Variants in PDE10A observed in about 807,000 individuals in gnomAD.
PDE10A encodes the protein cAMP and cAMP-inhibited cGMP 3',5'-cyclic phosphodiesterase 10A.
In PDE10A, 39 loss-of-function variants were observed where a neutral mutation model predicts 97.7. That is an observed-to-expected ratio of 0.40 (90% CI 0.31 to 0.52). The LOEUF (loss-of-function observed/expected upper bound fraction) is 0.52. PDE10A is among the 20% of genes least tolerant of loss of function. PDE10A has a pLI of 0.56. For missense variants in PDE10A, 731 were observed against 1,047.8 expected (o/e 0.70, Z 4.17); for synonymous variants, 371 against 376.8 (o/e 0.98, Z 0.18).
intron 1 of PDE10A, among the ~76,000 whole-genome samples, chr6:165,891,644 G>A (rs1483062787): frequency 2.0e-5 from 3 of 152,164 alleles, no homozygotes; most frequent in East Asian, 1.9e-4. Context: ...CCAGGCTGCC[G>A]TAGGAGACTA....
At chr6:165,413,335 G>A (rs1366126533) in intron 13 of PDE10A, among the ~76,000 whole-genome samples, 166 bp downstream of exon 13, 2 of 151,092 alleles carry the variant, frequency 1.3e-5, no homozygotes, top group Non-Finnish European at 2.9e-5. Context: ...TCCTTCCAGG[G>A]CATTTTATGA....
chr6:165,391,362 T>C (rs1237175973), intron 16 of PDE10A, among the ~76,000 whole-genome samples: 1 of 152,222 alleles, frequency 6.6e-6, no homozygotes, highest in East Asian at 1.9e-4. Context: ...ACAAAGTTTT[T>C]CTCACTTATT....
chr6:165,576,251 G>A (rs1200353203), intron 1 of PDE10A, among the ~76,000 whole-genome samples: 1 of 152,180 alleles, frequency 6.6e-6, no homozygotes, highest in African/African-American at 2.4e-5. Flanking sequence ...CTGAAGGTTG[G>A]CACCAAAAAG....
At chr6:165,417,821 A>G (rs934188191) in intron 11 of PDE10A, among the ~76,000 whole-genome samples, 4 of 152,232 alleles carry the variant, frequency 2.6e-5, no homozygotes, top group Non-Finnish European at 5.9e-5. Flanking sequence ...TAGAACGCCC[A>G]AATAAACAGC....
intron 1 of PDE10A, among the ~76,000 whole-genome samples, chr6:165,692,819 A>T (rs1791340076): frequency 6.6e-6 from 1 of 152,190 alleles, no homozygotes; most frequent in Non-Finnish European, 1.5e-5. Context: ...ACACTCTTAC[A>T]CTAGGGAATA....
At chr6:165,536,761 T>C (rs1476511847) in intron 2 of PDE10A, among the ~76,000 whole-genome samples, 1 of 151,970 alleles carries the variant, frequency 6.6e-6, no homozygotes, top group African/African-American at 2.4e-5. Context: ...GATATCATCT[T>C]ACCTCAGTTA....
rs1456146694 is a variant in PDE10A at position 165,655,463 on chromosome 6, T to C, written c.865+6484A>G. ...ATCTTTCCAGCCAAAAACCCAGGCATGGATTCTTGATTCCTCTCTCTCCCT... is the reference window on the plus strand; with the variant it reads ...ATCTTTCCAGCCAAAAACCCAGGCACGGATTCTTGATTCCTCTCTCTCCCT... On this transcript the variant is annotated intron_variant, in intron 1 of 21. Coordinates refer to ENST00000539869, the MANE Select transcript of PDE10A (RefSeq NM_001385079.1). This position sits in a 1 kb window ranked among gnomAD's most constrained non-coding sequence, Gnocchi z 4.5. 6.6e-6 allele frequency among the ~76,000 whole-genome samples: 1 copy of C among 152,090 alleles called. No individual in the cohort carries two copies. The highest frequency in any genetic ancestry group is 1.9e-4 in the East Asian group (1 of 5,164).
chr6:165,852,140 T>G (rs1405636276), intron 1 of PDE10A, among the ~76,000 whole-genome samples: 3 of 152,196 alleles, frequency 2.0e-5, no homozygotes, highest in Non-Finnish European at 1.5e-5. Flanking sequence ...ATCTCACTAG[T>G]TGAGTTCTGG....
intron 1 of PDE10A, among the ~76,000 whole-genome samples, chr6:165,637,476 C>T (rs1328034645): frequency 6.6e-6 from 1 of 152,124 alleles, no homozygotes; most frequent in Non-Finnish European, 1.5e-5. Context: ...GGGTAACACA[C>T]ACAAGACTGC....
chr6:165,813,948 GT>G (rs1359359962), intron 1 of PDE10A, among the ~76,000 whole-genome samples: 2 of 152,202 alleles, frequency 1.3e-5, no homozygotes, highest in Non-Finnish European at 2.9e-5. Flanking sequence ...GGCAAATGCA[GT>G]TTGGAAACAA....
At chr6:165,777,331 T>G (rs1778214662) in intron 1 of PDE10A, among the ~76,000 whole-genome samples, 1 of 152,176 alleles carries the variant, frequency 6.6e-6, no homozygotes, top group South Asian at 2.1e-4. Context: ...CGGGGTGCAG[T>G]GGGCTGAGCG....
intron 5 of PDE10A, among the ~76,000 whole-genome samples, chr6:165,445,763 T>C (rs1412772118): frequency 2.0e-5 from 3 of 152,166 alleles, no homozygotes; most frequent in Admixed American, 2.0e-4. Context: ...TGGTTTTGGA[T>C]TGGTAGTACC....
chr6:165,513,864 G>A (rs184521075), intron 2 of PDE10A, among the ~76,000 whole-genome samples: 2 of 152,160 alleles, frequency 1.3e-5, no homozygotes, highest in Admixed American at 6.5e-5. Context: ...CTGAGACCTT[G>A]CTAATTTATT....
At chr6:165,738,337 T>C (rs1167636613) in intron 1 of PDE10A, among the ~76,000 whole-genome samples, 1 of 151,896 alleles carries the variant, frequency 6.6e-6, no homozygotes, top group Non-Finnish European at 1.5e-5. Flanking sequence ...ACAAAGGACA[T>C]GAACTCATCA....
chr6:165,486,870 G>A (rs549464692), intron 2 of PDE10A, among the ~76,000 whole-genome samples: 50 of 152,324 alleles, frequency 3.3e-4, no homozygotes, highest in African/African-American at 1.2e-3. Context: ...TAAAGCAGCT[G>A]CATTCAAAGC....
At chr6:165,653,411 G>A (rs1789780890) in intron 1 of PDE10A, among the ~76,000 whole-genome samples, 1 of 152,162 alleles carries the variant, frequency 6.6e-6, no homozygotes, top group Admixed American at 6.5e-5. Context: ...AGGGAAAAAG[G>A]GTTCCAGGGC....
intron 1 of PDE10A, among the ~76,000 whole-genome samples, chr6:165,763,433 G>A (rs905227988): frequency 2.0e-5 from 3 of 151,290 alleles, no homozygotes; most frequent in Non-Finnish European, 4.4e-5. Flanking sequence ...AGCGATTCTC[G>A]TGCCTCAGCC....
intron 1 of PDE10A, among the ~76,000 whole-genome samples, chr6:165,779,745 C>A (rs913790002): frequency 6.6e-6 from 1 of 152,202 alleles, no homozygotes; most frequent in Non-Finnish European, 1.5e-5. Context: ...TCGTGTTCGA[C>A]TGCTGTGATG....
chr6:165,875,746 T>TTTTTGTG (rs780504850), intron 1 of PDE10A, among the ~76,000 whole-genome samples: 9 of 147,014 alleles, frequency 6.1e-5, no homozygotes, highest in Non-Finnish European at 8.9e-5. Flanking sequence ...TTTTTTTTTT[T>TTTTTGTG]TGTGTGTGTG....
Sources: gnomAD v4.1 joint callset for allele counts (sites outside exome capture counted in the v4.1 genomes callset) on GRCh38, gnomAD v4.1.1 for gene constraint, Gnocchi (gnomAD v3.1) non-coding constraint, MANE v1.5 for transcripts, NCBI Gene and HGNC (gene_info 2026-07-23, HGNC 2026-07-21) for gene names.